ATM: variants seen among roughly 807,000 people sequenced by gnomAD.
ATM encodes ATM serine/threonine kinase.
A neutral mutation model predicts 387.0 loss-of-function variants in ATM; 308 were observed. The ratio of observed to expected loss-of-function variants is 0.80; its 90% CI spans 0.73 to 0.87. The LOEUF (loss-of-function observed/expected upper bound fraction) is 0.87. Ranked by LOEUF, ATM falls within the 40% of genes least tolerant of loss-of-function variation. The pLI, the probability that ATM is intolerant of heterozygous loss-of-function variation, is 0.00. For missense variants in ATM, 3,312 were observed against 3,560.9 expected, an observed-to-expected ratio of 0.93 and a Z score of 1.78; for synonymous variants, 1,156 against 1,187.3, an observed-to-expected ratio of 0.97 and a Z score of 0.54.
Position 108,310,263 on chromosome 11 carries a change from C to T in ATM, c.5866C>T (p.Leu1956Phe), listed in dbSNP as rs1565489956. Reference sequence around the variant, plus strand: ...TTGTGCTGCTCACTTTACAGCTTTACTCTATGCAGAAATCTATGCAGATAA... The same window carrying T: ...TTGTGCTGCTCACTTTACAGCTTTATTCTATGCAGAAATCTATGCAGATAA... ...QSCAAHFTALLYAEIYADKKS... is the reference protein window; with the variant it reads ...QSCAAHFTALFYAEIYADKKS... Residue 1956 changes from leucine (L) to phenylalanine (F), a missense_variant, in exon 39 of 63, where the codon CTC (leucine) becomes TTC (phenylalanine). This residue lies in a region of ATM where 1,405 missense variants were observed against 1,604.4 expected (regional missense o/e 0.88). Transcript: ENST00000675843. 6.2e-7 allele frequency: 1 copy of T among 1,613,486 alleles called. No individual in the cohort carries two copies. The highest frequency in any genetic ancestry group is 8.5e-7 in the Non-Finnish European group (1 of 1,179,670).
Position 108,261,146 on chromosome 11 carries a change from G to C in ATM, c.2466+2071G>C, listed in dbSNP as rs1220228000. 5.9e-5 allele frequency among the ~76,000 whole-genome samples: 9 copies of C among 152,358 alleles called. No individual in the cohort carries two copies. In the East Asian group the frequency reaches 1.7e-3, roughly 29 times the overall value. ...TAGGTGGAGCCCACCACAGCTCAAGGAGGCCTGCCTGCCTCTGTAGGCTCC... is the reference window on the plus strand; with the variant it reads ...TAGGTGGAGCCCACCACAGCTCAAGCAGGCCTGCCTGCCTCTGTAGGCTCC... On this transcript the variant is annotated intron_variant, in intron 16 of 62. Transcript: ENST00000675843.
rs4988135 is a variant in ATM, at chr11:108,334,838, T to C, written c.8011-131T>C. On this transcript the variant is annotated intron_variant, in intron 54 of 62. Transcript: ENST00000675843. ...AGCCACCACACCCGGCCTAAAGTTG[T>C]AGTTCTTAACCACTATCACATCGTC... 11,793 of 1,084,940 alleles carry C rather than the reference T, an allele frequency of 0.011. 89 individuals carry two copies. Among genetic ancestry groups the C allele is most frequent in the Middle Eastern group, 0.019 (67 of 3,526 alleles). 67.2% of individuals were successfully genotyped at this position (1,084,940 alleles called of 1,614,324 possible).
At chr11:108,300,299 A>G (rs1341719776) in intron 34 of ATM, among the ~76,000 whole-genome samples, 1 of 152,214 alleles carries the variant, frequency 6.6e-6, no homozygotes. Flanking sequence ...AGGTTGTTTT[A>G]TAATCCTAGA....
Position 108,251,818 on chromosome 11 carries a change from G to T in ATM, c.1608-19G>T, listed in dbSNP as rs773158102. ...CTCCAATAGCTTGCTTTTCACAATT[G>T]TCCTTTGTTTTGTTATAGTCCTGCA... is the stretch of plus-strand genomic sequence containing the variant. On this transcript the variant is annotated intron_variant, in intron 10 of 62. Transcript: ENST00000675843. 6.2e-6 allele frequency: 10 copies of T among 1,613,192 alleles called. No homozygotes were observed. In the East Asian group the frequency reaches 2.2e-4, roughly 36 times the overall value.
chr11:108,333,951 C>G lies in ATM; in HGVS notation c.7993C>G (p.Pro2665Ala), dbSNP rs1555126304. Residue 2665 changes from proline to alanine, a missense_variant, in exon 54 of 63, where the codon CCT (proline) becomes GCT (alanine). Physicochemically the swap from Pro to Ala is conservative, Grantham distance 27. Coordinates refer to ENST00000675843, the MANE Select transcript of ATM (RefSeq NM_000051.4). ...TAAGAATTTAGAAGATGTTGTTGTC[C>G]CTACTATGGAAATTAAGGTAATTTG... ...KLKNLEDVVVPTMEIKVDHTG... is the reference protein window; with the variant it reads ...KLKNLEDVVVATMEIKVDHTG... 2 of 1,609,980 alleles carry G rather than the reference C, an allele frequency of 1.2e-6. No homozygotes were observed. The highest frequency in any genetic ancestry group is 2.7e-5 in the African/African-American group (2 of 74,730).
chr11:108,271,192 A>G (rs1225959923), intron 19 of ATM, 46 bp downstream of exon 19: 1 of 1,613,402 alleles, frequency 6.2e-7, no homozygotes, highest in Non-Finnish European at 8.5e-7. Context: ...AAGTTATAAA[A>G]TAACTGATGT....
chr11:108,340,084 T>A (rs1484779861), intron 56 of ATM: 1 of 152,220 alleles, frequency 6.6e-6, no homozygotes, highest in African/African-American at 2.4e-5. Flanking sequence ...AACATAATTA[T>A]AATGCAAAGT....
At chr11:108,310,890 A>T (rs1269753033) in intron 39 of ATM, among the ~76,000 whole-genome samples, 1 of 152,212 alleles carries the variant, frequency 6.6e-6, no homozygotes, top group Admixed American at 6.5e-5. Flanking sequence ...CTCCTAGATC[A>T]TGGGGAAGAA....
chr11:108,305,573 C>G (rs571400683), intron 37 of ATM, among the ~76,000 whole-genome samples: 1 of 151,792 alleles, frequency 6.6e-6, no homozygotes, highest in Non-Finnish European at 1.5e-5. Context: ...AACGACACAG[C>G]GAGACTGTCT....
intron 9 of ATM, among the ~76,000 whole-genome samples, chr11:108,249,500 C>A (rs1414587913): frequency 6.6e-6 from 1 of 152,120 alleles, no homozygotes; most frequent in African/African-American, 2.4e-5. Context: ...ATAATTTTGA[C>A]CTTATGCCAT....
Position 108,300,587 on chromosome 11 carries a change from T to G in ATM, c.5177+702T>G, listed in dbSNP as rs148977563. 9.2e-5 allele frequency among the ~76,000 whole-genome samples: 14 copies of G among 152,310 alleles called. No individual in the cohort carries two copies. The East Asian group carries it at 2.7e-3, about 29-fold the overall frequency. ...TCTGTACTTCCCTTCCTCCTTCTCT[T>G]GAGGAATAAATGATTGGCAATAATG... On this transcript the variant is annotated intron_variant, in intron 34 of 62. Transcript: ENST00000675843.
chr11:108,357,350 T>C (rs999826728), intron 61 of ATM, among the ~76,000 whole-genome samples: 10 of 151,954 alleles, frequency 6.6e-5, no homozygotes, highest in Admixed American at 3.9e-4. Flanking sequence ...AACTGCAAGG[T>C]GGCAGCGAGG....
intron 26 of ATM, 71 bp from the exon 27 acceptor site, chr11:108,287,529 A>G (rs1292400734): frequency 1.1e-6 from 1 of 938,060 alleles, no homozygotes; most frequent in Non-Finnish European, 1.6e-6. Context: ...AAGGTAATAT[A>G]TGCCTTTTGA....
chr11:108,243,193 T>C (rs1176827840), intron 5 of ATM, among the ~76,000 whole-genome samples: 1 of 152,172 alleles, frequency 6.6e-6, no homozygotes, highest in Non-Finnish European at 1.5e-5. Flanking sequence ...CACACCAGTT[T>C]GGGTGACAGA....
chr11:108,235,238 G>T (rs2079206585), intron 4 of ATM, among the ~76,000 whole-genome samples: 1 of 151,036 alleles, frequency 6.6e-6, no homozygotes, highest in African/African-American at 2.4e-5. Context: ...GGAGGCTGCA[G>T]TGTGCTGAGT....
chr11:108,260,030 CTT>C lies in ATM; in HGVS notation c.2466+976_2466+977del, dbSNP rs754362678. Among the ~76,000 whole-genome samples the C allele has an allele frequency of 5.3e-3, 503 of 94,578 alleles. 3 individuals are homozygous for C. The highest frequency in any genetic ancestry group is 6.3e-3 in the Non-Finnish European group (300 of 47,620). 62.0% of individuals were successfully genotyped at this position (94,578 alleles called of 152,430 possible). The stretch of plus-strand genomic sequence containing the variant: ...ATATGTATATGAAAGCTTATCTGCT[CTT>C]TTTTTTTTTTTTTTTTTTTTGAGAC... On this transcript the variant is annotated intron_variant, in intron 16 of 62. Coordinates refer to ENST00000675843, the MANE Select transcript of ATM (RefSeq NM_000051.4).
intron 20 of ATM, among the ~76,000 whole-genome samples, chr11:108,272,278 C>T (rs1280310492): frequency 6.6e-6 from 1 of 152,140 alleles, no homozygotes; most frequent in Non-Finnish European, 1.5e-5. Context: ...GTAGTTTAGC[C>T]ATTCTATGGT....
intron 20 of ATM, among the ~76,000 whole-genome samples, chr11:108,271,631 T>C (rs142909070): frequency 1.3e-5 from 2 of 152,364 alleles, no homozygotes; most frequent in African/African-American, 4.8e-5. Context: ...TCTCTGCAAA[T>C]TTTGAATCAC....
intron 34 of ATM, among the ~76,000 whole-genome samples, chr11:108,301,393 T>C (rs1039065330): frequency 1.3e-5 from 2 of 152,240 alleles, no homozygotes; most frequent in African/African-American, 4.8e-5. Flanking sequence ...TTCTTGAGTC[T>C]TTTTAATTTA....
Sources: allele counts gnomAD v4.1 joint callset (sites outside exome capture counted in the v4.1 genomes callset), GRCh38; gene constraint gnomAD v4.1.1; regional missense constraint gnomAD v4.1.1; transcripts MANE v1.5; gene names NCBI Gene and HGNC (gene_info 2026-07-23, HGNC 2026-07-21).